Variants in CDH13 observed in about 807,000 individuals in gnomAD.
CDH13 encodes cadherin-13.
Under a neutral mutation model 63.8 loss-of-function variants are expected in CDH13, and 24 were observed. That is an observed-to-expected ratio of 0.38 (90% confidence interval 0.27 to 0.53). The LOEUF (loss-of-function observed/expected upper bound fraction) is 0.53. Among genes scored for constraint, CDH13 ranks in the 20% least tolerant of loss-of-function variants. The pLI, the probability that CDH13 is intolerant of heterozygous loss-of-function variation, is 0.85. For missense variants in CDH13, 1,049 were observed against 903.1 expected, an observed-to-expected ratio of 1.16 and a Z score of -2.07; for synonymous variants, 503 against 355.3, an observed-to-expected ratio of 1.42 and a Z score of -4.67.
At chr16:83,036,756 G>T (rs550180761) in intron 3 of CDH13, among the ~76,000 whole-genome samples, 1 of 151,972 alleles carries the variant, frequency 6.6e-6, no homozygotes, top group Non-Finnish European at 1.5e-5. Context: ...TGATCTTGTC[G>T]TGCAGCCTAG....
chr16:83,375,179 G>A (rs898928765), intron 6 of CDH13, among the ~76,000 whole-genome samples: 4 of 152,186 alleles, frequency 2.6e-5, no homozygotes, highest in Non-Finnish European at 5.9e-5. Flanking sequence ...CATGCAATGA[G>A]CTAGGCAAAG....
intron 1 of CDH13, among the ~76,000 whole-genome samples, chr16:82,710,746 ATT>A (rs1346658579): frequency 6.8e-6 from 1 of 146,852 alleles, no homozygotes. Flanking sequence ...AGAAAAATAT[ATT>A]TGTATATTTA....
chr16:82,719,845 C>CAA (rs34017657), intron 1 of CDH13, among the ~76,000 whole-genome samples: 205 of 87,792 alleles, frequency 2.3e-3, no homozygotes, highest in Non-Finnish European at 3.1e-3. Flanking sequence ...GACTCTGTCT[C>CAA]AAAAAAAAAA....
At chr16:83,774,181 A>G (rs1413703009) in intron 11 of CDH13, among the ~76,000 whole-genome samples, 2 of 152,170 alleles carry the variant, frequency 1.3e-5, no homozygotes, top group African/African-American at 2.4e-5. Flanking sequence ...AGCCTAGGAC[A>G]TTGGTCCCAG....
intron 7 of CDH13, among the ~76,000 whole-genome samples, chr16:83,498,175 G>A (rs1411468073): frequency 1.3e-5 from 2 of 152,220 alleles, no homozygotes; most frequent in Non-Finnish European, 2.9e-5. Context: ...GGTGAGAGGA[G>A]AGGGGGCAAG....
intron 4 of CDH13, among the ~76,000 whole-genome samples, chr16:83,162,151 C>G (rs892962253): frequency 6.6e-6 from 1 of 152,168 alleles, no homozygotes; most frequent in Non-Finnish European, 1.5e-5. Context: ...CATCATATAA[C>G]CAAGTACTGG....
intron 4 of CDH13, among the ~76,000 whole-genome samples, chr16:83,140,270 A>G (rs575276114): frequency 1.6e-4 from 25 of 152,194 alleles, no homozygotes; most frequent in African/African-American, 5.5e-4. Flanking sequence ...CCTACACATG[A>G]CCATCTTGTG....
intron 6 of CDH13, among the ~76,000 whole-genome samples, chr16:83,417,247 A>G (rs892323564): frequency 7.2e-5 from 11 of 152,172 alleles, no homozygotes; most frequent in Non-Finnish European, 1.3e-4. Flanking sequence ...TCCCTGCTCA[A>G]TTACAAATAC....
chr16:83,627,055 G>A (rs554576048), intron 8 of CDH13, among the ~76,000 whole-genome samples: 5 of 151,616 alleles, frequency 3.3e-5, no homozygotes, highest in Admixed American at 1.3e-4. Flanking sequence ...GGCCAAGGCC[G>A]ATGGATTACC....
chr16:83,607,996 T>A (rs1005212651), intron 8 of CDH13, among the ~76,000 whole-genome samples: 32 of 152,184 alleles, frequency 2.1e-4, no homozygotes, highest in African/African-American at 7.2e-4. Flanking sequence ...TATTTTCACA[T>A]AAATCTCAGG....
At chr16:83,620,130 C>G (rs544414163) in intron 8 of CDH13, among the ~76,000 whole-genome samples, 8 of 152,236 alleles carry the variant, frequency 5.3e-5, no homozygotes, top group African/African-American at 1.9e-4. Context: ...CAGTGGCTCA[C>G]GCCTGTAATC....
chr16:83,763,902 ATGGAGCCTAG>A (rs751126734), intron 11 of CDH13, among the ~76,000 whole-genome samples: 1 of 152,048 alleles, frequency 6.6e-6, no homozygotes, highest in Non-Finnish European at 1.5e-5. Flanking sequence ...CACTGAGATA[ATGGAGCCTAG>A]TGCCATCTAC....
intron 8 of CDH13, among the ~76,000 whole-genome samples, chr16:83,611,418 A>T (rs1908851883): frequency 6.7e-6 from 1 of 149,550 alleles, no homozygotes; most frequent in African/African-American, 2.5e-5. Context: ...TGTCCATTTC[A>T]TTTTTTTTCT....
intron 1 of CDH13, among the ~76,000 whole-genome samples, chr16:82,629,561 T>C (rs575940262): frequency 6.6e-6 from 1 of 152,322 alleles, no homozygotes; most frequent in Non-Finnish European, 1.5e-5. Flanking sequence ...AAAAACAATG[T>C]AATAAAACAA....
At chr16:83,721,853 C>T (rs1022678881) in intron 10 of CDH13, 3 of 152,196 alleles carry the variant, frequency 2.0e-5, no homozygotes, top group Non-Finnish European at 2.9e-5. Context: ...TAAGGAGAAG[C>T]TGATAATGCA....
chr16:83,132,668 T>C (rs2036111457), intron 4 of CDH13, among the ~76,000 whole-genome samples: 1 of 152,014 alleles, frequency 6.6e-6, no homozygotes, highest in East Asian at 1.9e-4. Context: ...CTCATCTGGA[T>C]CCATCTGCCT....
intron 11 of CDH13, among the ~76,000 whole-genome samples, chr16:83,766,024 G>A (rs1424385953): frequency 6.6e-6 from 1 of 152,176 alleles, no homozygotes; most frequent in Admixed American, 6.5e-5. Flanking sequence ...TTGCTCATTA[G>A]CTCACATCTA....
intron 1 of CDH13, among the ~76,000 whole-genome samples, chr16:82,676,394 C>A (rs1013163989): frequency 6.6e-6 from 1 of 151,262 alleles, no homozygotes; most frequent in Non-Finnish European, 1.5e-5. Context: ...AATTAAAATT[C>A]TGTTGATTTT....
chr16:83,336,300 CA>C (rs376325733), intron 5 of CDH13, among the ~76,000 whole-genome samples: 1,596 of 48,986 alleles, frequency 0.033, 9 homozygotes, highest in Middle Eastern at 0.086. Flanking sequence ...GACTCCATCT[CA>C]AAAAAAAAAA....
Sources: allele counts gnomAD v4.1 joint callset (sites outside exome capture counted in the v4.1 genomes callset), GRCh38; gene constraint gnomAD v4.1.1; transcripts MANE v1.5; gene names NCBI Gene and HGNC (gene_info 2026-07-23, HGNC 2026-07-21).